Variants in MYO1F observed in about 807,000 individuals in gnomAD.
The protein encoded by MYO1F is myosin IF.
In MYO1F, 60 loss-of-function variants were observed where a neutral mutation model predicts 146.6. The observed-to-expected ratio is 0.41, with a 90% CI of 0.33 to 0.51. The LOEUF (loss-of-function observed/expected upper bound fraction) is 0.51. MYO1F is among the 20% of genes least tolerant of loss of function. MYO1F has a pLI of 0.25. For missense variants in MYO1F, 1,274 were observed against 1,534.3 expected, an observed-to-expected ratio of 0.83 and a Z score of 2.83; for synonymous variants, 602 against 602.1, an observed-to-expected ratio of 1.00 and a Z score of 0.00.
intron 19 of MYO1F, among the ~76,000 whole-genome samples, chr19:8,533,360 T>C (rs112625942): frequency 4.2e-5 from 5 of 117,998 alleles, no homozygotes; most frequent in Admixed American, 1.7e-4. Context: ...TCTTCTTCTT[T>C]TTTTTTTTTT....
chr19:8,545,650 C>T lies in MYO1F; in HGVS notation c.1356G>A (p.Leu452=). The part of the protein sequence containing the change: ...KVVCDLIENK[L]SPPGIMSVLD... ...CCGCCAAAGTTGACCCAGCCCTCACCAGCTTGTTTTCGATGAGGTCACAGA... is the reference window on the plus strand; with the variant it reads ...CCGCCAAAGTTGACCCAGCCCTCACTAGCTTGTTTTCGATGAGGTCACAGA... The change falls in exon 13 of 28, where the codon CTG becomes CTA. Residue 452 remains leucine (L), a splice_region_variant and synonymous_variant. Coordinates refer to ENST00000644032, the MANE Select transcript of MYO1F (RefSeq NM_012335.4). 1 of 1,613,728 alleles carries T rather than the reference C, an allele frequency of 6.2e-7. No homozygotes were observed. Among genetic ancestry groups the T allele is most frequent in the Non-Finnish European group, 8.5e-7 (1 of 1,179,692 alleles).
At chr19:8,538,032 CATGA>C (rs1362454444) in intron 16 of MYO1F, among the ~76,000 whole-genome samples, 1 of 151,692 alleles carries the variant, frequency 6.6e-6, no homozygotes, top group African/African-American at 2.4e-5. Flanking sequence ...AGTGCAGTGG[CATGA>C]TCTCGGCTCA....
chr19:8,554,822 C>T, intron 2 of MYO1F, 79 bp from the exon 3 acceptor site: 2 of 1,264,990 alleles, frequency 1.6e-6, no homozygotes, highest in Non-Finnish European at 2.3e-6. Context: ...CCACCCAGGG[C>T]TTCCTAAAAC....
chr19:8,570,050 G>A (rs542821692), intron 1 of MYO1F, among the ~76,000 whole-genome samples: 1 of 152,146 alleles, frequency 6.6e-6, no homozygotes, highest in South Asian at 2.1e-4. Flanking sequence ...GGGACCACAG[G>A]TGCATACTAC....
chr19:8,523,457 C>T (rs1347024138), intron 25 of MYO1F, among the ~76,000 whole-genome samples: 7 of 151,960 alleles, frequency 4.6e-5, no homozygotes, highest in Non-Finnish European at 1.0e-4. Flanking sequence ...ATCCTCCCTC[C>T]TTAGCCTCCT....
At chr19:8,574,619 T>C (rs12973194) in intron 1 of MYO1F, among the ~76,000 whole-genome samples, 2,412 of 47,908 alleles carry the variant, frequency 0.05, 39 homozygotes, top group African/African-American at 0.1. Flanking sequence ...CTTTCTTTCT[T>C]TCTTTCTTTC....
At chr19:8,540,708 T>G (rs1972925458) in intron 15 of MYO1F, among the ~76,000 whole-genome samples, 1 of 139,380 alleles carries the variant, frequency 7.2e-6, no homozygotes. Context: ...AGAGACACTG[T>G]CTCCAAAAAA....
chr19:8,559,192 C>G (rs535057022), intron 1 of MYO1F, among the ~76,000 whole-genome samples: 240 of 151,674 alleles, frequency 1.6e-3, no homozygotes, highest in Middle Eastern at 6.8e-3. Flanking sequence ...GGATTGAAGT[C>G]TTTAAAGTGG....
At chr19:8,558,124 C>A (rs1330029906) in intron 1 of MYO1F, among the ~76,000 whole-genome samples, 1 of 152,038 alleles carries the variant, frequency 6.6e-6, no homozygotes, top group Non-Finnish European at 1.5e-5. Context: ...CTTAGGTTGC[C>A]ATTTTTTTCA....
At chr19:8,546,056 CTTTTTTTTTTTTTT>C (rs58638075) in intron 12 of MYO1F, among the ~76,000 whole-genome samples, 2 of 94,940 alleles carry the variant, frequency 2.1e-5, no homozygotes, top group African/African-American at 4.3e-5. Flanking sequence ...TATTTTGACT[CTTTTTTTTTTTTTT>C]TTTTTTTTTT....
intron 15 of MYO1F, chr19:8,541,657 G>A (rs1972976425): frequency 1.9e-6 from 1 of 516,646 alleles, no homozygotes; most frequent in Non-Finnish European, 3.5e-6. Context: ...TCAAACTCTT[G>A]GCCTCAAGAG....
chr19:8,575,957 A>G (rs1555733723), intron 1 of MYO1F, among the ~76,000 whole-genome samples: 2 of 152,164 alleles, frequency 1.3e-5, no homozygotes, highest in African/African-American at 4.8e-5. Flanking sequence ...TCAGAGCTCC[A>G]GCTGATGGTT....
At chr19:8,544,041 C>CGGTGGCGGTGGCGG in intron 14 of MYO1F, 1 of 211,944 alleles carries the variant, frequency 4.7e-6, no homozygotes, top group East Asian at 1.0e-4. Flanking sequence ...GGTGGCGGTG[C>CGGTGGCGGTGGCGG]TGGTGGTGGT....
chr19:8,565,458 C>G (rs1470025709), intron 1 of MYO1F, among the ~76,000 whole-genome samples: 2 of 151,994 alleles, frequency 1.3e-5, no homozygotes, highest in African/African-American at 4.8e-5. Context: ...AGGAGAATAG[C>G]TTGAACCTGG....
chr19:8,569,838 C>G (rs566005254), intron 1 of MYO1F, among the ~76,000 whole-genome samples: 31 of 152,126 alleles, frequency 2.0e-4, no homozygotes, highest in Non-Finnish European at 3.7e-4. Context: ...GGATAGACAG[C>G]CCAGGCCATG....
intron 2 of MYO1F, 52 bp downstream of exon 2, chr19:8,555,607 C>T (rs760916904): frequency 6.2e-7 from 1 of 1,612,764 alleles, no homozygotes; most frequent in Non-Finnish European, 8.5e-7. Flanking sequence ...GTCCATGGCC[C>T]AGCCATTCAT....
chr19:8,551,091 A>C, intron 8 of MYO1F, among the ~76,000 whole-genome samples: 2 of 141,282 alleles, frequency 1.4e-5, no homozygotes, highest in Non-Finnish European at 1.5e-5. Context: ...TCACTCTTTC[A>C]CCCAGGCGGG....
At chr19:8,537,081 G>C in intron 16 of MYO1F, 26 bp from the exon 17 acceptor site, 1 of 1,516,250 alleles carries the variant, frequency 6.6e-7, no homozygotes. Context: ...AGACGGGTGG[G>C]TGGGGGGCAC....
Position 8,553,172 on chromosome 19 carries a change from G to A in MYO1F, c.471C>T (p.Ala157=). Residue 157 remains alanine, a synonymous_variant, in exon 6 of 28, where the codon GCC becomes GCT. Coordinates refer to ENST00000644032, the MANE Select transcript of MYO1F (RefSeq NM_012335.4). ...SNPLLEAFGN[A]KTVRNNNSSR... ...TGGAATTGTTGTTGCGCACAGTCTT[G>A]GCGTTGCCGAAGGCCTCGAGCAGCG... 1.2e-6 allele frequency: 2 copies of A among 1,614,174 alleles called. No homozygotes were observed. The highest frequency in any genetic ancestry group is 1.7e-6 in the Non-Finnish European group (2 of 1,180,040).
Sources: gnomAD v4.1 joint callset for allele counts (sites outside exome capture counted in the v4.1 genomes callset) on GRCh38, gnomAD v4.1.1 for gene constraint, MANE v1.5 for transcripts, NCBI Gene and HGNC (gene_info 2026-07-23, HGNC 2026-07-21) for gene names.